HHIPL1: variants seen among roughly 807,000 people sequenced by gnomAD.
HHIPL1 encodes HHIP like 1, also known as HHIP-like protein 1.
Under a neutral mutation model 61.8 loss-of-function variants are expected in HHIPL1, and 43 were observed. The observed-to-expected ratio is 0.70, with a 90% CI of 0.55 to 0.90. HHIPL1 has a LOEUF of 0.90. Among genes scored for constraint, HHIPL1 ranks in the 40% least tolerant of loss-of-function variants. The probability of loss-of-function intolerance (pLI) is 0.00; values close to 1 mark genes in which losing one functional copy is unlikely to be tolerated. For synonymous variants in HHIPL1, 482 were observed against 515.8 expected, an observed-to-expected ratio of 0.93 and a Z score of 0.89; for missense variants, 1,056 against 1,157.7, an observed-to-expected ratio of 0.91 and a Z score of 1.28.
chr14:99,635,341 C>T, the HHIPL1 span, among the ~76,000 whole-genome samples: 2 of 151,978 alleles, frequency 1.3e-5, no homozygotes, highest in Non-Finnish European at 2.9e-5. Context: ...AATAATCTCA[C>T]AGTGTAGGGA....
chr14:99,604,788 G>A, the HHIPL1 span, among the ~76,000 whole-genome samples: 136 of 152,132 alleles, frequency 8.9e-4, no homozygotes, highest in Non-Finnish European at 1.3e-3. Context: ...CTCCCTCCCG[G>A]GGGCACCAGA....
chr14:99,626,493 T>A, the HHIPL1 span, among the ~76,000 whole-genome samples: 2 of 152,142 alleles, frequency 1.3e-5, no homozygotes, highest in Non-Finnish European at 2.9e-5. Flanking sequence ...CACTCTGGGC[T>A]TGGAGGTCAA....
At chr14:99,639,008 C>T in the HHIPL1 span, among the ~76,000 whole-genome samples, 1 of 152,246 alleles carries the variant, frequency 6.6e-6, no homozygotes, top group Non-Finnish European at 1.5e-5. Flanking sequence ...TCCTTTCACT[C>T]ATTCACTCAT....
chr14:99,641,742 A>C (rs2055755146), upstream of HHIPL1, among the ~76,000 whole-genome samples: 1 of 151,512 alleles, frequency 6.6e-6, no homozygotes, highest in Non-Finnish European at 1.5e-5. Context: ...TGTTTGCTGT[A>C]ATTTTTCTCC....
the HHIPL1 span, among the ~76,000 whole-genome samples, chr14:99,639,624 G>A: frequency 6.6e-6 from 1 of 152,116 alleles, no homozygotes; most frequent in African/African-American, 2.4e-5. Context: ...TGGGATTACA[G>A]GCATGAGCCA....
chr14:99,675,467 C>T lies in HHIPL1; in HGVS notation c.2190C>T (p.Phe730=), dbSNP rs1414187533. 1.9e-6 allele frequency: 3 copies of T among 1,540,452 alleles called. No individual in the cohort carries two copies. Among genetic ancestry groups the T allele is most frequent in the East Asian group, 2.4e-5 (1 of 40,852 alleles). ...TGCGCGCCGTCAAGAGAGCCGAGTT[C>T]GGCCAGGGCGGCTCGCTGCCCATTC... is the stretch of plus-strand genomic sequence containing the variant. The part of the protein sequence containing the change: ...YAVRAVKRAE[F]GQGGSLPILL... The change falls in exon 9 of 9, where the codon TTC becomes TTT. Residue 730 remains phenylalanine, a synonymous_variant. Coordinates refer to ENST00000330710, the MANE Select transcript of HHIPL1 (RefSeq NM_001127258.3). The surrounding 1 kb of genome is among the most constrained non-coding windows in gnomAD (Gnocchi z 5.4).
Position 99,660,368 on chromosome 14 carries a change from C to A in HHIPL1, c.1464C>A (p.Asn488Lys), listed in dbSNP as rs1304092713. Residue 488 changes from asparagine (N) to lysine (K), a missense_variant, in exon 5 of 9, where the codon AAC (asparagine) becomes AAA (lysine). Coordinates refer to ENST00000330710, the MANE Select transcript of HHIPL1 (RefSeq NM_001127258.3). The surrounding 1 kb of genome is among the most constrained non-coding windows in gnomAD (Gnocchi z 4.9). ...GYVYRGCEYP[N>K]LNGLYIFGDF... ...TGTACCGGGGCTGCGAGTACCCCAA[C>A]CTGAACGGCCTCTACATTTTTGGGG... 6.2e-7 allele frequency: 1 copy of A among 1,614,060 alleles called. No individual in the cohort carries two copies. Among genetic ancestry groups the A allele is most frequent in the Admixed American group, 1.7e-5 (1 of 60,016 alleles).
Position 99,677,627 on chromosome 14 carries a change from A to T in HHIPL1, c.*2001A>T, listed in dbSNP as rs1263980227. On this transcript the variant is annotated 3_prime_UTR_variant, in exon 9 of 9. Coordinates refer to ENST00000330710, the MANE Select transcript of HHIPL1 (RefSeq NM_001127258.3). This position sits in a 1 kb window ranked among gnomAD's most constrained non-coding sequence, Gnocchi z 4.3. ...CTGAGTGTCCCAGGCCTGTTGCCAG[A>T]TGAGGCCACGCTGAGACTGGAGCCA... 6.6e-6 allele frequency: 1 copy of T among 152,296 alleles called. No individual in the cohort carries two copies. The highest frequency in any genetic ancestry group is 1.5e-5 in the Non-Finnish European group (1 of 68,120). The allele number at this position is 152,296 out of a possible 1,614,324, so 9.4% of individuals were successfully genotyped here. A position where few individuals can be genotyped will look rare whatever the true frequency, so the allele number is the denominator to read the frequency against.
Position 99,657,686 on chromosome 14 carries a change from C to T in HHIPL1, c.1046+543C>T, listed in dbSNP as rs533468509. 1.1e-4 allele frequency among the ~76,000 whole-genome samples: 17 copies of T among 152,226 alleles called. 1 individual carries two copies. In the South Asian group the frequency reaches 3.3e-3, roughly 30 times the overall value. ...GCTCAAGATCTCATTCCATTACACA[C>T]ACACACATACACAAATATGCATACA... On this transcript the variant is annotated intron_variant, in intron 3 of 8. Transcript: ENST00000330710.
chr14:99,624,296 G>A, the HHIPL1 span, among the ~76,000 whole-genome samples: 2 of 152,174 alleles, frequency 1.3e-5, no homozygotes, highest in East Asian at 3.8e-4. Flanking sequence ...GAGCAGACCT[G>A]CTGCCAATCA....
In HHIPL1 at chr14:99,645,437, GC is replaced by G. The variant is rs2055816171; in HGVS notation, c.231del (p.Tyr78ThrfsTer98). The stretch of plus-strand genomic sequence containing the variant: ...GCCGCCGAGTGGGCCGCGTGCGCCG[GC>G]TACGCGAGGGACCTGCTGTGCCAGG... Reference protein sequence around the residue: ...VDAAEWAACAGYARDLLCQEC... With the variant: ...VDAAEWAACAXYARDLLCQEC... On this transcript the variant is annotated frameshift_variant, in exon 1 of 9. Transcript: ENST00000330710. LOFTEE classifies it high-confidence loss of function. 2 of 1,356,470 alleles carry G rather than the reference GC, an allele frequency of 1.5e-6. No homozygotes were observed. The highest frequency in any genetic ancestry group is 1.9e-6 in the Non-Finnish European group (2 of 1,059,910). 84.0% of individuals were successfully genotyped at this position (1,356,470 alleles called of 1,614,324 possible).
the HHIPL1 span, among the ~76,000 whole-genome samples, chr14:99,630,685 G>A: frequency 6.6e-6 from 1 of 152,120 alleles, no homozygotes; most frequent in East Asian, 1.9e-4. Context: ...AGGACATGCG[G>A]CCTCCCGGTC....
rs2056280693 is a variant in HHIPL1 at position 99,668,333 on chromosome 14, C to T, written c.1730+30C>T. 1.5e-6 allele frequency: 2 copies of T among 1,372,020 alleles called. No individual in the cohort carries two copies. The highest frequency in any genetic ancestry group is 2.8e-5 in the African/African-American group (2 of 70,280). The allele number at this position is 1,372,020 out of a possible 1,614,324, so 85.0% of individuals were successfully genotyped here. A position where few individuals can be genotyped will look rare whatever the true frequency, so the allele number is the denominator to read the frequency against. On this transcript the variant is annotated intron_variant, in intron 7 of 8. Coordinates refer to ENST00000330710, the MANE Select transcript of HHIPL1 (RefSeq NM_001127258.3). This position sits in a 1 kb window ranked among gnomAD's most constrained non-coding sequence, Gnocchi z 4.7. ...GTCCCAGCCTCCAGGACAGGGAGCT[C>T]CTGCTGTCTGTCAGGCCTCTTAGCT...
chr14:99,646,610 A>G (rs1007124128), intron 1 of HHIPL1, among the ~76,000 whole-genome samples: 3 of 152,058 alleles, frequency 2.0e-5, no homozygotes, highest in African/African-American at 7.2e-5. Flanking sequence ...CTCCATCTCT[A>G]CAAAAATACA....
chr14:99,645,215 G>T lies in HHIPL1; in HGVS notation c.8G>T (p.Arg3Leu). 1 of 1,292,014 alleles carries T rather than the reference G, an allele frequency of 7.7e-7. No individual in the cohort carries two copies. The highest frequency in any genetic ancestry group is 9.8e-7 in the Non-Finnish European group (1 of 1,020,766). The allele number at this position is 1,292,014 out of a possible 1,614,324, so 80.0% of individuals were successfully genotyped here. ...CCCCCGCGGGGCGTAGCGATGGCCC[G>T]GGCCAGGGCCGGGGCGCTGCTGGCG... MA[R>L]ARAGALLALW... The change falls in exon 1 of 9, where the codon CGG becomes CTG. Residue 3 changes from arginine to leucine, a missense_variant. Coordinates refer to ENST00000330710, the MANE Select transcript of HHIPL1 (RefSeq NM_001127258.3).
rs765109660 is a variant in HHIPL1, at chr14:99,668,295, C to T, written c.1722C>T (p.Asp574=). 1.2e-5 allele frequency: 20 copies of T among 1,604,998 alleles called. No individual in the cohort carries two copies. In the Middle Eastern group the frequency reaches 6.6e-4, roughly 53 times the overall value. ...APRGVVYKII[D]ASRRAPPGKC... ...GCGGAGTTGTCTACAAAATAATTGA[C>T]GCATCCAGGTGAGTCCCAGCCTCCA... Residue 574 remains aspartate, a synonymous_variant, in exon 7 of 9, where the codon GAC becomes GAT. Coordinates refer to ENST00000330710, the MANE Select transcript of HHIPL1 (RefSeq NM_001127258.3). This position sits in a 1 kb window ranked among gnomAD's most constrained non-coding sequence, Gnocchi z 4.7.
At chr14:99,653,483 C>A (rs1217858490) in intron 2 of HHIPL1, among the ~76,000 whole-genome samples, 1 of 152,204 alleles carries the variant, frequency 6.6e-6, no homozygotes, top group Non-Finnish European at 1.5e-5. Context: ...CAGGCACACA[C>A]CACCACACCT....
chr14:99,621,719 T>TTC, the HHIPL1 span, among the ~76,000 whole-genome samples: 11 of 122,020 alleles, frequency 9.0e-5, no homozygotes, highest in African/African-American at 4.3e-4. Context: ...CTTTTTTTTT[T>TTC]TTTTTTTTTT....
At position 99,659,820 on chromosome 14, in the gene HHIPL1, G is replaced by A. The variant is rs551213340; in HGVS notation, c.1375+64G>A. The A allele has an allele frequency of 4.0e-4, 329 of 825,612 alleles. 8 individuals carry two copies. In the South Asian group the frequency reaches 9.5e-3, roughly 24 times the overall value. 51.1% of individuals were successfully genotyped at this position (825,612 alleles called of 1,614,324 possible). The stretch of plus-strand genomic sequence containing the variant: ...GCCCCCACCCCACCCCACCTGCTGT[G>A]CCGCAGGGCCTCCCTCGGAGACCGC... On this transcript the variant is annotated intron_variant, in intron 4 of 8. Transcript: ENST00000330710.
Sources: gnomAD v4.1 joint callset for allele counts (sites outside exome capture counted in the v4.1 genomes callset) on GRCh38, gnomAD v4.1.1 for gene constraint, Gnocchi (gnomAD v3.1) non-coding constraint, MANE v1.5 for transcripts, NCBI Gene and HGNC (gene_info 2026-07-23, HGNC 2026-07-21) for gene names.